The following UBXN4 variants were observed in gnomAD, a reference collection of about 807,000 sequenced individuals.
UBXN4 encodes the protein UBX domain-containing protein 4.
In UBXN4, 35 loss-of-function variants were observed where a neutral mutation model predicts 66.2. The observed-to-expected ratio is 0.53, with a 90% CI of 0.40 to 0.70. The LOEUF (loss-of-function observed/expected upper bound fraction) is 0.70, where lower values mean the gene tolerates loss of function less well. Among genes scored for constraint, UBXN4 ranks in the 30% least tolerant of loss-of-function variants. The pLI is 0.00. For synonymous variants in UBXN4, 203 were observed against 204.5 expected, an observed-to-expected ratio of 0.99 and a Z score of 0.06; for missense variants, 533 against 599.8, an observed-to-expected ratio of 0.89 and a Z score of 1.16.
intron 11 of UBXN4, among the ~76,000 whole-genome samples, chr2:135,779,859 T>C (rs2077438887): frequency 8.0e-6 from 1 of 124,484 alleles, no homozygotes. Context: ...ATAAAATAAT[T>C]ATATAAAATA....
chr2:135,752,254 G>T (rs1360269650), intron 2 of UBXN4, among the ~76,000 whole-genome samples: 1 of 152,088 alleles, frequency 6.6e-6, no homozygotes, highest in East Asian at 1.9e-4. Flanking sequence ...TCACTATGTT[G>T]GCCAGACTGG....
At chr2:135,773,128 T>C (rs900403836) in intron 9 of UBXN4, among the ~76,000 whole-genome samples, 1 of 151,668 alleles carries the variant, frequency 6.6e-6, no homozygotes, top group African/African-American at 2.4e-5. Flanking sequence ...AATGTTTATC[T>C]CATACGTATT....
At chr2:135,759,346 C>T (rs2077298000) in intron 5 of UBXN4, among the ~76,000 whole-genome samples, 1 of 152,088 alleles carries the variant, frequency 6.6e-6, no homozygotes, top group Non-Finnish European at 1.5e-5. Flanking sequence ...TTTTTGTCAT[C>T]AATTATCTAG....
Position 135,778,005 on chromosome 2 carries a change from G to A in UBXN4, c.1054-943G>A, listed in dbSNP as rs1460293291. 4.7e-5 allele frequency among the ~76,000 whole-genome samples: 7 copies of A among 147,848 alleles called. No homozygotes were observed. The South Asian group carries it at 6.4e-4, about 14-fold the overall frequency. On this transcript the variant is annotated intron_variant, in intron 10 of 12. Coordinates refer to ENST00000272638, the MANE Select transcript of UBXN4 (RefSeq NM_014607.4). Reference sequence around the variant, plus strand: ...ATCCTGGCTAACACGGTGAAACCCCGTCTCTACTAAAAATACAAAAAATTA... The same window carrying A: ...ATCCTGGCTAACACGGTGAAACCCCATCTCTACTAAAAATACAAAAAATTA...
chr2:135,771,815 G>A (rs770084124), intron 8 of UBXN4, among the ~76,000 whole-genome samples: 36 of 152,076 alleles, frequency 2.4e-4, no homozygotes, highest in Non-Finnish European at 4.1e-4. Flanking sequence ...CACCCACCTC[G>A]GCCTCCCAAA....
chr2:135,764,430 TAAAA>T (rs990046318), intron 6 of UBXN4, among the ~76,000 whole-genome samples: 1 of 151,048 alleles, frequency 6.6e-6, no homozygotes, highest in East Asian at 1.9e-4. Context: ...TAAACATAAT[TAAAA>T]AAAAACGGAT....
At position 135,776,302 on chromosome 2, in the gene UBXN4, A is replaced by G; in HGVS notation, c.1004A>G (p.Gln335Arg). 6.2e-7 allele frequency: 1 copy of G among 1,614,094 alleles called. No individual in the cohort carries two copies. The highest frequency in any genetic ancestry group is 1.6e-4 in the Middle Eastern group (1 of 6,062). ...RLPDGSSFTN[Q>R]FPSDAPLEEA... The stretch of plus-strand genomic sequence containing the variant: ...CCTGATGGTTCTTCCTTTACAAATC[A>G]GTTCCCTTCTGATGCTCCTCTAGAA... The change falls in exon 10 of 13, where the codon CAG becomes CGG. Residue 335 changes from glutamine to arginine, a missense_variant. Gln to Arg is a conservative substitution (Grantham distance 43, BLOSUM62 1). Transcript: ENST00000272638.
chr2:135,760,348 T>C lies in UBXN4; in HGVS notation c.509-1470T>C, dbSNP rs1328284325. Reference sequence around the variant, plus strand: ...AGGGAGGGTGAAGTAGGAAGATGGCTTGATCCCAGGAGGCGGAGGTTGCAG... The same window carrying C: ...AGGGAGGGTGAAGTAGGAAGATGGCCTGATCCCAGGAGGCGGAGGTTGCAG... On this transcript the variant is annotated intron_variant, in intron 5 of 12. Transcript: ENST00000272638. Among the ~76,000 whole-genome samples, 5 of 152,220 alleles carry C rather than the reference T, an allele frequency of 3.3e-5. No homozygotes were observed. In the East Asian group the frequency reaches 7.8e-4, roughly 24 times the overall value.
intron 1 of UBXN4, among the ~76,000 whole-genome samples, chr2:135,747,474 C>T (rs2077215772): frequency 6.6e-6 from 1 of 151,774 alleles, no homozygotes; most frequent in Admixed American, 6.6e-5. Flanking sequence ...GGTTAGCATA[C>T]CTTTTATAAT....
At chr2:135,764,495 T>C (rs2077335901) in intron 6 of UBXN4, among the ~76,000 whole-genome samples, 1 of 152,180 alleles carries the variant, frequency 6.6e-6, no homozygotes, top group Non-Finnish European at 1.5e-5. Context: ...TATTAATGGA[T>C]ATACAATGGT....
At chr2:135,750,349 A>C (rs1431213656) in intron 2 of UBXN4, among the ~76,000 whole-genome samples, 1 of 152,054 alleles carries the variant, frequency 6.6e-6, no homozygotes, top group Non-Finnish European at 1.5e-5. Context: ...AGAATGAATA[A>C]TGTGTTTGAA....
intron 2 of UBXN4, among the ~76,000 whole-genome samples, chr2:135,749,600 T>A (rs1348436245): frequency 1.3e-5 from 2 of 152,208 alleles, no homozygotes; most frequent in African/African-American, 2.4e-5. Flanking sequence ...TATCACTTCA[T>A]CTATAAATAT....
Position 135,754,145 on chromosome 2 carries a change from A to G in UBXN4, c.215-14A>G. 2 of 1,581,448 alleles carry G rather than the reference A, an allele frequency of 1.3e-6. No individual in the cohort carries two copies. The highest frequency in any genetic ancestry group is 1.7e-6 in the Non-Finnish European group (2 of 1,158,600). On this transcript the variant is annotated splice_polypyrimidine_tract_variant and intron_variant, in intron 3 of 12. Coordinates refer to ENST00000272638, the MANE Select transcript of UBXN4 (RefSeq NM_014607.4). ...CGTTTCACATGAATTGTTAGACTTC[A>G]TTAAACTGTACAGATCCTGTAGTGT...
intron 1 of UBXN4, among the ~76,000 whole-genome samples, chr2:135,745,296 G>A (rs1302316761): frequency 6.6e-6 from 1 of 152,138 alleles, no homozygotes; most frequent in Non-Finnish European, 1.5e-5. Flanking sequence ...TTCCTTCTGC[G>A]TGGTGAACTC....
chr2:135,759,624 GT>G (rs2077299957), intron 5 of UBXN4, among the ~76,000 whole-genome samples: 3 of 152,076 alleles, frequency 2.0e-5, no homozygotes. Flanking sequence ...AGATGATGAT[GT>G]ATATTTCTCT....
At chr2:135,768,755 G>A (rs576694707) in intron 6 of UBXN4, among the ~76,000 whole-genome samples, 7 of 151,718 alleles carry the variant, frequency 4.6e-5, no homozygotes, top group South Asian at 2.1e-4. Flanking sequence ...TAGAGACAGC[G>A]TTTCGCCGTG....
chr2:135,759,506 C>T (rs1265499444), intron 5 of UBXN4, among the ~76,000 whole-genome samples: 1 of 152,116 alleles, frequency 6.6e-6, no homozygotes, highest in African/African-American at 2.4e-5. Flanking sequence ...ACTGCATCCC[C>T]ATGGAATTGT....
intron 10 of UBXN4, among the ~76,000 whole-genome samples, 156 bp downstream of exon 10, chr2:135,776,507 G>A (rs1416979141): frequency 1.3e-5 from 2 of 152,230 alleles, no homozygotes; most frequent in Admixed American, 1.3e-4. Context: ...AATTCTGTCG[G>A]GTGTTAGTGC....
chr2:135,753,958 A>T (rs1043276204), intron 3 of UBXN4: 1 of 508,842 alleles, frequency 2.0e-6, no homozygotes, highest in African/African-American at 2.0e-5. Context: ...TAGATTCTTC[A>T]CTAGAATATA....
Sources: allele counts gnomAD v4.1 joint callset (sites outside exome capture counted in the v4.1 genomes callset), GRCh38; gene constraint gnomAD v4.1.1; transcripts MANE v1.5; gene names NCBI Gene and HGNC (gene_info 2026-07-23, HGNC 2026-07-21).